The following HTR1F variants were observed in gnomAD, a reference collection of about 807,000 sequenced individuals.
HTR1F encodes the protein 5-hydroxytryptamine receptor 1F, also known as 5-hydroxytryptamine (serotonin) receptor 1F, G protein-coupled.
Under a neutral mutation model 24.0 loss-of-function variants are expected in HTR1F, and 17 were observed. The ratio of observed to expected loss-of-function variants is 0.71; its 90% CI spans 0.48 to 1.06. HTR1F has a LOEUF of 1.06. HTR1F is among the 50% of genes least tolerant of loss of function. The pLI, the probability that HTR1F is intolerant of heterozygous loss-of-function variation, is 0.00. For missense variants in HTR1F, 391 were observed against 427.8 expected, an observed-to-expected ratio of 0.91 and a Z score of 0.76; for synonymous variants, 186 against 156.8, an observed-to-expected ratio of 1.19 and a Z score of -1.39.
intron 2 of HTR1F, among the ~76,000 whole-genome samples, chr3:87,857,721 T>C (rs541671979): frequency 5.9e-5 from 9 of 152,260 alleles, no homozygotes; most frequent in African/African-American, 2.2e-4. Flanking sequence ...TTACAACTGA[T>C]GAACTTGCAT....
intron 2 of HTR1F, among the ~76,000 whole-genome samples, chr3:87,987,855 G>C (rs1330813944): frequency 6.9e-6 from 1 of 144,708 alleles, no homozygotes; most frequent in Non-Finnish European, 1.5e-5. Context: ...ATGTATATAT[G>C]TATTTTATAT....
intron 2 of HTR1F, among the ~76,000 whole-genome samples, chr3:87,827,978 G>A (rs1340017776): frequency 3.3e-5 from 5 of 152,126 alleles, no homozygotes; most frequent in Non-Finnish European, 7.4e-5. Context: ...GGGCCAGAGA[G>A]AGCAGAATAT....
At chr3:87,868,561 T>G (rs528914472) in intron 2 of HTR1F, among the ~76,000 whole-genome samples, 1 of 151,932 alleles carries the variant, frequency 6.6e-6, no homozygotes, top group East Asian at 1.9e-4. Flanking sequence ...ATTGCCTGTC[T>G]AAATTATTAT....
chr3:87,855,004 T>TTG (rs1705168040), intron 2 of HTR1F, among the ~76,000 whole-genome samples: 1 of 152,074 alleles, frequency 6.6e-6, no homozygotes, highest in Non-Finnish European at 1.5e-5. Context: ...TCTTTCCTAG[T>TTG]TGTGTGTTCT....
At chr3:87,965,350 A>G (rs1306994920) in intron 2 of HTR1F, among the ~76,000 whole-genome samples, 1 of 152,188 alleles carries the variant, frequency 6.6e-6, no homozygotes, top group Non-Finnish European at 1.5e-5. Context: ...GATGTTTCAA[A>G]ATCTGTTTGA....
chr3:87,820,754 T>C (rs1704344141), intron 1 of HTR1F, among the ~76,000 whole-genome samples: 1 of 152,172 alleles, frequency 6.6e-6, no homozygotes, highest in South Asian at 2.1e-4. Context: ...CCAGTTTTCT[T>C]TCTTAATGGG....
At chr3:87,886,271 C>A (rs1469259061) in intron 2 of HTR1F, among the ~76,000 whole-genome samples, 1 of 152,096 alleles carries the variant, frequency 6.6e-6, no homozygotes, top group Non-Finnish European at 1.5e-5. Flanking sequence ...GCAGAAAAGG[C>A]CTTTGACAAA....
At chr3:87,869,432 G>C (rs9868002) in intron 2 of HTR1F, among the ~76,000 whole-genome samples, 7,806 of 134,534 alleles carry the variant, frequency 0.058, 683 homozygotes, top group African/African-American at 0.18. Context: ...TAGATAGATA[G>C]ATACATAGAT....
At chr3:87,958,040 G>A (rs1234221688) in intron 2 of HTR1F, among the ~76,000 whole-genome samples, 1 of 151,284 alleles carries the variant, frequency 6.6e-6, no homozygotes, top group Non-Finnish European at 1.5e-5. Flanking sequence ...TCTAAGAATA[G>A]TTTAGTTGTC....
chr3:87,798,306 C>T (rs1413295846), intron 1 of HTR1F, among the ~76,000 whole-genome samples: 3 of 152,092 alleles, frequency 2.0e-5, no homozygotes, highest in African/African-American at 7.2e-5. Context: ...TGCTCAGCTC[C>T]TCTGCTTCCC....
intron 2 of HTR1F, among the ~76,000 whole-genome samples, chr3:87,960,567 A>C (rs749160): frequency 0.5 from 75,442 of 151,788 alleles, 21,546 homozygotes; most frequent in African/African-American, 0.8. Context: ...ATAAACAAAT[A>C]ACTAGACCAT....
intron 2 of HTR1F, among the ~76,000 whole-genome samples, chr3:87,896,336 AC>A (rs1317130410): frequency 3.3e-5 from 5 of 152,236 alleles, no homozygotes; most frequent in Admixed American, 2.0e-4. Flanking sequence ...CAGTCCATCT[AC>A]TATTTTGTCT....
chr3:87,831,402 G>A (rs1055288235), intron 2 of HTR1F, among the ~76,000 whole-genome samples: 4 of 150,084 alleles, frequency 2.7e-5, no homozygotes, highest in Non-Finnish European at 3.0e-5. Context: ...TCACTCTGTC[G>A]CCCAGGCTGA....
intron 2 of HTR1F, among the ~76,000 whole-genome samples, chr3:87,988,151 G>A (rs1289666863): frequency 6.6e-6 from 1 of 151,976 alleles, no homozygotes; most frequent in South Asian, 2.1e-4. Context: ...TCACCAGCTC[G>A]AGAGGGTGGG....
chr3:87,793,423 G>A (rs1353590845), intron 1 of HTR1F: 3 of 152,146 alleles, frequency 2.0e-5, no homozygotes, highest in Non-Finnish European at 2.9e-5. Context: ...GAACCATTAA[G>A]GTAAAAGGGT....
intron 2 of HTR1F, among the ~76,000 whole-genome samples, chr3:87,948,390 A>C (rs1704759582): frequency 6.6e-6 from 1 of 152,346 alleles, no homozygotes; most frequent in Middle Eastern, 3.4e-3. Context: ...CTGTTAAATT[A>C]CTTCTTCATA....
intron 2 of HTR1F, among the ~76,000 whole-genome samples, chr3:87,912,819 A>C (rs1282348154): frequency 2.0e-5 from 3 of 152,116 alleles, no homozygotes; most frequent in Non-Finnish European, 4.4e-5. Context: ...GACAAAGCTG[A>C]CAAAAATGAG....
At chr3:87,866,369 T>A (rs1159640150) in intron 2 of HTR1F, among the ~76,000 whole-genome samples, 1 of 152,158 alleles carries the variant, frequency 6.6e-6, no homozygotes, top group Non-Finnish European at 1.5e-5. Context: ...GGAGAGAGAC[T>A]AGTCAAGGCA....
At chr3:87,894,589 C>T (rs1293015138) in intron 2 of HTR1F, among the ~76,000 whole-genome samples, 1 of 106,300 alleles carries the variant, frequency 9.4e-6, no homozygotes, top group Non-Finnish European at 1.7e-5. Flanking sequence ...TTTTTTGAGA[C>T]AGAGTCTCTC....
Sources: gnomAD v4.1 joint callset for allele counts (sites outside exome capture counted in the v4.1 genomes callset) on GRCh38, gnomAD v4.1.1 for gene constraint, MANE v1.5 for transcripts, NCBI Gene and HGNC (gene_info 2026-07-23, HGNC 2026-07-21) for gene names.